The following CBX5 variants were observed in gnomAD, a reference collection of about 807,000 sequenced individuals.
The protein encoded by CBX5 is chromobox protein homolog 5.
A neutral mutation model predicts 20.7 loss-of-function variants in CBX5; 7 were observed. The observed-to-expected ratio is 0.34, with a 90% confidence interval of 0.19 to 0.63. The LOEUF is 0.63. Among genes scored for constraint, CBX5 ranks in the 30% least tolerant of loss-of-function variants. CBX5 has a pLI of 0.75. For synonymous variants in CBX5, 78 were observed against 77.0 expected, an observed-to-expected ratio of 1.01 and a Z score of -0.07; for missense variants, 110 against 224.1, an observed-to-expected ratio of 0.49 and a Z score of 3.25.
rs907637023 is a variant in CBX5, at chr12:54,234,531, A to G, written c.*7224T>C. The G allele has an allele frequency of 6.6e-6, 1 of 152,254 alleles. No homozygotes were observed. The highest frequency in any genetic ancestry group is 2.4e-5 in the African/African-American group (1 of 41,478). 9.4% of individuals were successfully genotyped at this position (152,254 alleles called of 1,614,324 possible). A position where few individuals can be genotyped will look rare whatever the true frequency, so the allele number is the denominator to read the frequency against. On this transcript the variant is annotated 3_prime_UTR_variant, in exon 5 of 5. Transcript: ENST00000209875. ...GCATTCAATTTGGCCTAATTTCTTG[A>G]TAATAGTTTCCTATTAGATTTTCCG...
chr12:54,237,694 A>G lies in CBX5; in HGVS notation c.*4061T>C, dbSNP rs1943637217. On this transcript the variant is annotated 3_prime_UTR_variant, in exon 5 of 5. Coordinates refer to ENST00000209875, the MANE Select transcript of CBX5 (RefSeq NM_012117.3). ...GAAGATGTGGTTGGAAGCCTTCTCAAACATGCAAGTCCAGGGCTTTTCTCA... is the reference window on the plus strand; with the variant it reads ...GAAGATGTGGTTGGAAGCCTTCTCAGACATGCAAGTCCAGGGCTTTTCTCA... 6.1e-6 allele frequency: 1 copy of G among 163,516 alleles called. No individual in the cohort carries two copies. 10.1% of individuals were successfully genotyped at this position (163,516 alleles called of 1,614,324 possible).
chr12:54,256,793 C>T (rs1324802197), intron 2 of CBX5, among the ~76,000 whole-genome samples: 1 of 152,128 alleles, frequency 6.6e-6, no homozygotes, highest in Non-Finnish European at 1.5e-5. Context: ...TGGCTCACGG[C>T]TGTAATCCCA....
intron 1 of CBX5, among the ~76,000 whole-genome samples, chr12:54,261,291 TTTTTC>T (rs1471426636): frequency 6.6e-6 from 1 of 151,780 alleles, no homozygotes; most frequent in Non-Finnish European, 1.5e-5. Flanking sequence ...AGTAGAAATT[TTTTTC>T]TTTTTTCTTT....
chr12:54,269,956 T>C (rs1943993998), intron 1 of CBX5, among the ~76,000 whole-genome samples: 1 of 152,214 alleles, frequency 6.6e-6, no homozygotes. Context: ...ATTGAATGTA[T>C]TCGTATCGTT....
chr12:54,271,879 G>A (rs935121261), intron 1 of CBX5: 13 of 152,154 alleles, frequency 8.5e-5, no homozygotes, highest in African/African-American at 3.1e-4. Flanking sequence ...TTTATTATCT[G>A]TAAGTCTTAT....
intron 2 of CBX5, among the ~76,000 whole-genome samples, chr12:54,254,010 C>G (rs1242778215): frequency 6.6e-6 from 1 of 152,070 alleles, no homozygotes; most frequent in Non-Finnish European, 1.5e-5. Context: ...TTCGGCCACT[C>G]AAAGTGCTGG....
At chr12:54,248,086 C>T (rs919591498) in intron 3 of CBX5, among the ~76,000 whole-genome samples, 1 of 152,046 alleles carries the variant, frequency 6.6e-6, no homozygotes, top group Non-Finnish European at 1.5e-5. Flanking sequence ...AGGTGATCCA[C>T]CCTGCCTCGG....
chr12:54,276,785 T>C (rs1944072987), intron 1 of CBX5: 1 of 152,212 alleles, frequency 6.6e-6, no homozygotes, highest in Non-Finnish European at 1.5e-5. Context: ...CTCTGCACGT[T>C]TAGTGAAATG....
intron 1 of CBX5, among the ~76,000 whole-genome samples, chr12:54,261,099 G>A (rs1374797580): frequency 6.6e-6 from 1 of 150,608 alleles, no homozygotes; most frequent in South Asian, 2.1e-4. Context: ...GCTAAGGCAG[G>A]AGAATCGCTT....
intron 1 of CBX5, among the ~76,000 whole-genome samples, chr12:54,267,956 C>T (rs534441922): frequency 6.6e-5 from 10 of 152,272 alleles, no homozygotes; most frequent in African/African-American, 2.4e-4. Flanking sequence ...CCAGCCTGGC[C>T]AACATGGCGA....
Position 54,239,048 on chromosome 12 carries a change from G to C in CBX5, c.*2707C>G, listed in dbSNP as rs1030617615. 6.6e-6 allele frequency: 1 copy of C among 152,160 alleles called. No individual in the cohort carries two copies. Among genetic ancestry groups the C allele is most frequent in the Middle Eastern group, 3.2e-3 (1 of 316 alleles). The allele number at this position is 152,160 out of a possible 1,614,324, so 9.4% of individuals were successfully genotyped here. On this transcript the variant is annotated 3_prime_UTR_variant, in exon 5 of 5. Coordinates refer to ENST00000209875, the MANE Select transcript of CBX5 (RefSeq NM_012117.3). Reference sequence around the variant, plus strand: ...TGGAAGCAGGCATCTGATTTCCTTTGTGCTAAGGGCTGAAATCAATACTGG... The same window carrying C: ...TGGAAGCAGGCATCTGATTTCCTTTCTGCTAAGGGCTGAAATCAATACTGG...
rs922129063 is a variant in CBX5 at position 54,234,270 on chromosome 12, T to C, written c.*7485A>G. ...AGACCTAAATAGATTTTTTTTTTTT[T>C]CCTCACTGATAGCTGATCACATTAA... is the stretch of plus-strand genomic sequence containing the variant. On this transcript the variant is annotated 3_prime_UTR_variant, in exon 5 of 5. Transcript: ENST00000209875. The C allele has an allele frequency of 1.4e-4, 21 of 151,436 alleles. No homozygotes were observed. The highest frequency in any genetic ancestry group is 3.9e-4 in the Admixed American group (6 of 15,210). The allele number at this position is 151,436 out of a possible 1,614,324, so 9.4% of individuals were successfully genotyped here.
In CBX5 at chr12:54,239,168, C is replaced by CA. The variant is rs1166947640; in HGVS notation, c.*2586dup. 2.0e-5 allele frequency: 3 copies of CA among 151,872 alleles called. No individual in the cohort carries two copies. The highest frequency in any genetic ancestry group is 4.8e-5 in the African/African-American group (2 of 41,364). 9.4% of individuals were successfully genotyped at this position (151,872 alleles called of 1,614,324 possible). A position where few individuals can be genotyped will look rare whatever the true frequency, so the allele number is the denominator to read the frequency against. ...GGCACTCAGTACAATAAACCGAAGA[C>CA]AAAAAAGACAGAGTAAAGTCTATTA... is the stretch of plus-strand genomic sequence containing the variant. On this transcript the variant is annotated 3_prime_UTR_variant, in exon 5 of 5. Coordinates refer to ENST00000209875, the MANE Select transcript of CBX5 (RefSeq NM_012117.3).
intron 1 of CBX5, among the ~76,000 whole-genome samples, chr12:54,265,311 T>C (rs1017678391): frequency 5.3e-5 from 8 of 152,266 alleles, no homozygotes; most frequent in African/African-American, 1.7e-4. Context: ...TTTATGGAGC[T>C]TGAAGTACTG....
chr12:54,255,146 G>C (rs761581498), intron 2 of CBX5, among the ~76,000 whole-genome samples: 1 of 152,124 alleles, frequency 6.6e-6, no homozygotes, highest in Non-Finnish European at 1.5e-5. Context: ...GCCTGGGTTG[G>C]CCAGGAATAG....
At position 54,241,752 on chromosome 12, in the gene CBX5, CCTT is replaced by C; in HGVS notation, c.576_*2del. ...AGAGAAATGACAGAGACCATCCCCT[CCTT>C]TAGCTCTTTGCTGTTTCTTTCTCTT... On this transcript the variant is annotated stop_retained_variant and 3_prime_UTR_variant, in exon 5 of 5. Transcript: ENST00000209875. The C allele has an allele frequency of 6.2e-7, 1 of 1,610,972 alleles. No individual in the cohort carries two copies. The highest frequency in any genetic ancestry group is 1.1e-5 in the South Asian group (1 of 90,364).
Position 54,237,892 on chromosome 12 carries a change from C to T in CBX5, c.*3863G>A, listed in dbSNP as rs1943639073. On this transcript the variant is annotated 3_prime_UTR_variant, in exon 5 of 5. Coordinates refer to ENST00000209875, the MANE Select transcript of CBX5 (RefSeq NM_012117.3). ...ATAATGACAATTTTATTTTTGTCCA[C>T]AAAAATTTAATAGAGGTGGCCAGGC... 6.6e-6 allele frequency: 1 copy of T among 152,142 alleles called. No homozygotes were observed. Among genetic ancestry groups the T allele is most frequent in the Non-Finnish European group, 1.5e-5 (1 of 68,034 alleles). The allele number at this position is 152,142 out of a possible 1,614,324, so 9.4% of individuals were successfully genotyped here.
chr12:54,259,545 C>T (rs1943895525), intron 1 of CBX5: 1 of 152,670 alleles, frequency 6.6e-6, no homozygotes, highest in South Asian at 2.1e-4. Flanking sequence ...TCTGGGCTAA[C>T]AGGAGGGGCC....
chr12:54,250,367 G>A (rs1043615236), intron 3 of CBX5, among the ~76,000 whole-genome samples: 44 of 152,212 alleles, frequency 2.9e-4, no homozygotes, highest in African/African-American at 8.4e-4. Flanking sequence ...CCGAGATCAC[G>A]CCCATGCACT....
Sources: allele counts gnomAD v4.1 joint callset (sites outside exome capture counted in the v4.1 genomes callset), GRCh38; gene constraint gnomAD v4.1.1; transcripts MANE v1.5; gene names NCBI Gene and HGNC (gene_info 2026-07-23, HGNC 2026-07-21).